TRHDE: variants seen among roughly 807,000 people sequenced by gnomAD.
TRHDE encodes thyrotropin-releasing hormone-degrading ectoenzyme.
TRHDE carries 72 observed loss-of-function variants against 125.7 expected under a neutral mutation model. The ratio of observed to expected loss-of-function variants is 0.57; its 90% confidence interval spans 0.47 to 0.70. TRHDE has a LOEUF of 0.70. TRHDE is among the 30% of genes least tolerant of loss of function. TRHDE has a pLI of 0.00. For missense variants in TRHDE, 1,110 were observed against 1,327.1 expected (o/e 0.84, Z 2.54); for synonymous variants, 509 against 509.1 (o/e 1.00, Z 0.00).
chr12:72,307,654 A>G (rs1868367767), intron 2 of TRHDE, among the ~76,000 whole-genome samples: 2 of 152,078 alleles, frequency 1.3e-5, no homozygotes, highest in Admixed American at 1.3e-4. Context: ...TATATTTGAT[A>G]TGGGTTGTGA....
intron 5 of TRHDE, among the ~76,000 whole-genome samples, chr12:72,478,957 T>C (rs1185878962): frequency 7.5e-6 from 1 of 132,452 alleles, no homozygotes; most frequent in East Asian, 2.3e-4. Context: ...ACAGTTAAAA[T>C]GAGAGCTTTA....
chr12:72,122,793 T>A (rs2139302493), intron 2 of TRHDE, among the ~76,000 whole-genome samples: 1 of 152,266 alleles, frequency 6.6e-6, no homozygotes, highest in South Asian at 2.1e-4. Flanking sequence ...GCCCCAAATA[T>A]ATCTTTTTCG....
intron 2 of TRHDE, among the ~76,000 whole-genome samples, chr12:72,176,503 A>T (rs981019317): frequency 3.3e-5 from 5 of 152,178 alleles, no homozygotes; most frequent in African/African-American, 1.2e-4. Context: ...TTCCACACTA[A>T]AATACTCAAA....
At chr12:72,234,254 T>G (rs775090127) in intron 2 of TRHDE, among the ~76,000 whole-genome samples, 39 of 152,174 alleles carry the variant, frequency 2.6e-4, no homozygotes, top group Non-Finnish European at 4.9e-4. Context: ...GTCAAAAAGA[T>G]GTTATCTTCC....
At chr12:72,364,333 A>G (rs1046173624) in intron 2 of TRHDE, among the ~76,000 whole-genome samples, 31 of 152,006 alleles carry the variant, frequency 2.0e-4, no homozygotes, top group African/African-American at 7.5e-4. Flanking sequence ...TTACATCCTC[A>G]CTTTATATTT....
intron 2 of TRHDE, among the ~76,000 whole-genome samples, chr12:72,260,168 TCTTAC>T: frequency 6.6e-6 from 1 of 152,290 alleles, no homozygotes; most frequent in South Asian, 2.1e-4. Context: ...ATTAGGTGCT[TCTTAC>T]CTTATATGCT....
chr12:72,193,156 GA>G (rs146051964), intron 2 of TRHDE, among the ~76,000 whole-genome samples: 3 of 151,394 alleles, frequency 2.0e-5, no homozygotes, highest in Non-Finnish European at 3.0e-5. Context: ...AACATATAAA[GA>G]AAAAAAAGTT....
At chr12:72,096,324 G>A (rs1874920889) in intron 1 of TRHDE, among the ~76,000 whole-genome samples, 3 of 152,148 alleles carry the variant, frequency 2.0e-5, no homozygotes, top group South Asian at 4.1e-4. Flanking sequence ...TCCTTTGTCC[G>A]CTGCAAACAC....
At chr12:72,276,223 C>A (rs1409999027) in intron 1 of TRHDE, among the ~76,000 whole-genome samples, 2 of 152,140 alleles carry the variant, frequency 1.3e-5, no homozygotes, top group African/African-American at 2.4e-5. Context: ...CATTTTAAAA[C>A]CCACTTTCAA....
chr12:72,475,081 A>G (rs941148928), intron 5 of TRHDE, among the ~76,000 whole-genome samples: 1 of 152,152 alleles, frequency 6.6e-6, no homozygotes, highest in African/African-American at 2.4e-5. Context: ...TTGGCATTCA[A>G]ATTAATTAAC....
intron 3 of TRHDE, among the ~76,000 whole-genome samples, chr12:72,416,083 T>C (rs556126872): frequency 6.6e-6 from 1 of 151,704 alleles, no homozygotes; most frequent in South Asian, 2.1e-4. Context: ...TTATTGCCTG[T>C]TTTTTTTAAC....
intron 2 of TRHDE, among the ~76,000 whole-genome samples, chr12:72,203,945 C>G (rs1237151122): frequency 6.6e-6 from 1 of 152,140 alleles, no homozygotes; most frequent in African/African-American, 2.4e-5. Context: ...ATAGCATCGG[C>G]TTATGTCATT....
chr12:72,589,085 G>A (rs2136045451), intron 12 of TRHDE, among the ~76,000 whole-genome samples: 1 of 152,246 alleles, frequency 6.6e-6, no homozygotes, highest in African/African-American at 2.4e-5. Context: ...AGATTCGGGT[G>A]GGGACACAGC....
intron 5 of TRHDE, among the ~76,000 whole-genome samples, chr12:72,498,963 A>ATGTG (rs72163048): frequency 1.6e-3 from 237 of 147,272 alleles, no homozygotes; most frequent in Middle Eastern, 0.014. Context: ...CAGAAAATAA[A>ATGTG]TGTGTGTGTG....
chr12:72,271,794 A>T, upstream of TRHDE: 1 of 408,226 alleles, frequency 2.4e-6, no homozygotes, highest in Admixed American at 2.6e-5. Flanking sequence ...CCCCCTTGGG[A>T]TATGGAGCAA....
At chr12:72,218,124 G>A (rs1470178041) in intron 2 of TRHDE, among the ~76,000 whole-genome samples, 2 of 152,070 alleles carry the variant, frequency 1.3e-5, no homozygotes, top group African/African-American at 2.4e-5. Flanking sequence ...AGATACTAAT[G>A]TGAGTTATAG....
chr12:72,621,366 A>C, intron 14 of TRHDE, 161 bp downstream of exon 14: 1 of 603,878 alleles, frequency 1.7e-6, no homozygotes, highest in Non-Finnish European at 2.9e-6. Flanking sequence ...CACAGTTTCC[A>C]TTGCCTGATC....
intron 6 of TRHDE, among the ~76,000 whole-genome samples, chr12:72,529,325 A>G (rs1484805072): frequency 6.6e-6 from 1 of 152,154 alleles, no homozygotes; most frequent in Admixed American, 6.6e-5. Flanking sequence ...TATACTCAAG[A>G]CCCAAAGTCA....
chr12:72,284,038 A>G lies in TRHDE; in HGVS notation c.915-2643A>G, dbSNP rs1413446240. On this transcript the variant is annotated intron_variant, in intron 1 of 18. Coordinates refer to ENST00000261180, the MANE Select transcript of TRHDE (RefSeq NM_013381.3). ...GTGAGTATCCCCACTCCAAAAATTC[A>G]AAATCTAAAATGTTACAAAACCCAA... is the stretch of plus-strand genomic sequence containing the variant. Among the ~76,000 whole-genome samples the G allele has an allele frequency of 2.6e-5, 4 of 152,120 alleles. No individual in the cohort carries two copies. In the South Asian group the frequency reaches 8.3e-4, roughly 32 times the overall value.
Sources: allele counts gnomAD v4.1 joint callset (sites outside exome capture counted in the v4.1 genomes callset), GRCh38; gene constraint gnomAD v4.1.1; transcripts MANE v1.5; gene names NCBI Gene and HGNC (gene_info 2026-07-23, HGNC 2026-07-21).